AKAP6: variants seen among roughly 807,000 people sequenced by gnomAD.
AKAP6 encodes A-kinase anchor protein 6.
In AKAP6, 58 loss-of-function variants were observed where a neutral mutation model predicts 188.5. The ratio of observed to expected loss-of-function variants is 0.31; its 90% CI spans 0.25 to 0.38. AKAP6 has a LOEUF of 0.38. AKAP6 is among the 10% of genes least tolerant of loss of function. The pLI, the probability that AKAP6 is intolerant of heterozygous loss-of-function variation, is 1.00. For synonymous variants in AKAP6, 989 were observed against 998.6 expected, an observed-to-expected ratio of 0.99 and a Z score of 0.18; for missense variants, 2,710 against 2,740.0, an observed-to-expected ratio of 0.99 and a Z score of 0.24.
chr14:32,683,932 C>T (rs1037586261), intron 8 of AKAP6, among the ~76,000 whole-genome samples: 2 of 152,108 alleles, frequency 1.3e-5, no homozygotes, highest in African/African-American at 4.8e-5. Context: ...ATTGACAAAC[C>T]TTGGTTACTG....
intron 2 of AKAP6, among the ~76,000 whole-genome samples, chr14:32,435,055 C>G (rs1178613367): frequency 1.3e-5 from 2 of 152,198 alleles, no homozygotes; most frequent in East Asian, 3.8e-4. Flanking sequence ...GCTGTTGCAG[C>G]AGGGAGTGAT....
rs549857718 is a variant in AKAP6 at position 32,614,290 on chromosome 14, T to C, written c.2730+13498T>C. Among the ~76,000 whole-genome samples the C allele has an allele frequency of 2.2e-4, 33 of 152,340 alleles. No individual in the cohort carries two copies. In the South Asian group the frequency reaches 6.6e-3, roughly 31 times the overall value. On this transcript the variant is annotated intron_variant, in intron 7 of 13. Transcript: ENST00000280979. ...CTACAGATACTTTTTGTCTCAGTTG[T>C]ACACAAAAAGCTTAATGACTATGCT...
intron 1 of AKAP6, among the ~76,000 whole-genome samples, chr14:32,379,930 CTCTCTG>C (rs1271939986): frequency 6.6e-6 from 1 of 152,174 alleles, no homozygotes; most frequent in African/African-American, 2.4e-5. Context: ...TTTTCTACTC[CTCTCTG>C]TCTCTGTCTC....
intron 2 of AKAP6, among the ~76,000 whole-genome samples, chr14:32,451,982 A>ATTTTTC (rs997829386): frequency 3.8e-5 from 4 of 104,224 alleles, no homozygotes; most frequent in Non-Finnish European, 6.1e-5. Flanking sequence ...CTATGCTATC[A>ATTTTTC]TTTTTCTTTT....
At chr14:32,423,216 C>CTGG (rs1168973143) in intron 1 of AKAP6, among the ~76,000 whole-genome samples, 15 of 152,080 alleles carry the variant, frequency 9.9e-5, no homozygotes, top group Admixed American at 3.3e-4. Context: ...GTCACCCAGG[C>CTGG]TGGAATACAG....
chr14:32,637,843 G>A (rs1594802160), intron 7 of AKAP6, among the ~76,000 whole-genome samples: 1 of 151,880 alleles, frequency 6.6e-6, no homozygotes, highest in South Asian at 2.1e-4. Context: ...GTAGGTCATC[G>A]GAACTGAGGA....
chr14:32,394,110 A>G (rs1431504789), intron 1 of AKAP6, among the ~76,000 whole-genome samples: 1 of 152,166 alleles, frequency 6.6e-6, no homozygotes, highest in Non-Finnish European at 1.5e-5. Context: ...TATGAAATTG[A>G]CAACTGGCAT....
chr14:32,557,811 C>T (rs1236610857), intron 4 of AKAP6, among the ~76,000 whole-genome samples: 2 of 152,092 alleles, frequency 1.3e-5, no homozygotes, highest in Non-Finnish European at 1.5e-5. Flanking sequence ...TCTTCTTTCC[C>T]ATTGCTTTTC....
chr14:32,583,527 TCTGCAGAGGTTA>T (rs1242448393), intron 5 of AKAP6, among the ~76,000 whole-genome samples: 5 of 152,200 alleles, frequency 3.3e-5, no homozygotes, highest in Non-Finnish European at 7.3e-5. Flanking sequence ...GACATTTAAG[TCTGCAGAGGTTA>T]CTGCTGTCTT....
intron 10 of AKAP6, among the ~76,000 whole-genome samples, chr14:32,734,939 C>T (rs1329530910): frequency 6.6e-6 from 1 of 152,038 alleles, no homozygotes; most frequent in African/African-American, 2.4e-5. Context: ...AACAGCCCTC[C>T]CCGACAACAC....
Position 32,574,554 on chromosome 14 carries a change from G to C in AKAP6, c.2347-2566G>C, listed in dbSNP as rs188075320. Among the ~76,000 whole-genome samples, 39 of 152,266 alleles carry C rather than the reference G, an allele frequency of 2.6e-4. No individual in the cohort carries two copies. The Middle Eastern group carries it at 0.01, about 40-fold the overall frequency. The stretch of plus-strand genomic sequence containing the variant: ...ATACACACACAGGTTATTTGTGTTT[G>C]TTTTTGAAGGGGAGAAGATAGTGCA... On this transcript the variant is annotated intron_variant, in intron 4 of 13. Coordinates refer to ENST00000280979, the MANE Select transcript of AKAP6 (RefSeq NM_004274.5).
At chr14:32,766,101 G>A (rs2032711423) in intron 11 of AKAP6, among the ~76,000 whole-genome samples, 1 of 151,998 alleles carries the variant, frequency 6.6e-6, no homozygotes, top group Admixed American at 6.6e-5. Flanking sequence ...CATATAAAAG[G>A]AATCGTAAAA....
chr14:32,516,352 T>C (rs764290012), intron 2 of AKAP6, among the ~76,000 whole-genome samples: 2 of 152,190 alleles, frequency 1.3e-5, no homozygotes, highest in African/African-American at 2.4e-5. Context: ...AAGGAACTTA[T>C]AAATTCCCAA....
At chr14:32,740,510 T>G (rs1168353447) in intron 11 of AKAP6, among the ~76,000 whole-genome samples, 1 of 152,144 alleles carries the variant, frequency 6.6e-6, no homozygotes, top group Non-Finnish European at 1.5e-5. Context: ...TTTGAGGTCT[T>G]AGATTTAAGT....
intron 1 of AKAP6, among the ~76,000 whole-genome samples, chr14:32,394,861 A>G (rs753397009): frequency 6.6e-6 from 1 of 152,194 alleles, no homozygotes; most frequent in Non-Finnish European, 1.5e-5. Context: ...CTTAGAAACT[A>G]AAGGAAAAGG....
rs571949077 is a variant in AKAP6 at position 32,439,476 on chromosome 14, G to A, written c.324+5659G>A. On this transcript the variant is annotated intron_variant, in intron 2 of 13. Transcript: ENST00000280979. Reference sequence around the variant, plus strand: ...CACCAGGGCAGTGTGGATAACTAATGAGGGGAAAGGGCTATGGTTGTGACT... The same window carrying A: ...CACCAGGGCAGTGTGGATAACTAATAAGGGGAAAGGGCTATGGTTGTGACT... 5.1e-4 allele frequency among the ~76,000 whole-genome samples: 78 copies of A among 152,316 alleles called. 1 individual carries two copies. Among genetic ancestry groups the A allele is most frequent in the South Asian group, 4.8e-3 (23 of 4,824 alleles).
chr14:32,615,585 C>G (rs1024355488), intron 7 of AKAP6, among the ~76,000 whole-genome samples: 4 of 143,792 alleles, frequency 2.8e-5, no homozygotes, highest in Non-Finnish European at 5.9e-5. Context: ...CAATGCTAAA[C>G]CATTACTTTT....
chr14:32,555,545 A>G (rs1042577309), intron 4 of AKAP6, among the ~76,000 whole-genome samples: 9 of 152,206 alleles, frequency 5.9e-5, no homozygotes, highest in African/African-American at 1.9e-4. Flanking sequence ...GATCTCCAGA[A>G]CGTTTTCATC....
intron 7 of AKAP6, among the ~76,000 whole-genome samples, chr14:32,658,515 A>G (rs937075764): frequency 6.6e-6 from 1 of 152,078 alleles, no homozygotes; most frequent in Non-Finnish European, 1.5e-5. Flanking sequence ...ATGTTGGTTA[A>G]TGCTTTGCTA....
Sources: allele counts gnomAD v4.1 joint callset (sites outside exome capture counted in the v4.1 genomes callset), GRCh38; gene constraint gnomAD v4.1.1; transcripts MANE v1.5; gene names NCBI Gene and HGNC (gene_info 2026-07-23, HGNC 2026-07-21).